The following ENTREP2 variants were observed in gnomAD, a reference collection of about 807,000 sequenced individuals.
ENTREP2 encodes endosomal transmembrane epsin interactor 2.
the ENTREP2 span, among the ~76,000 whole-genome samples, chr15:29,622,488 G>A: frequency 7.9e-5 from 12 of 152,134 alleles, no homozygotes; most frequent in Admixed American, 6.5e-5. Flanking sequence ...GATTACAGGC[G>A]TGAGCCACCA....
chr15:29,563,651 C>A, the ENTREP2 span, among the ~76,000 whole-genome samples: 1 of 152,012 alleles, frequency 6.6e-6, no homozygotes, highest in African/African-American at 2.4e-5. Flanking sequence ...GCTAACATGG[C>A]AAAACCACGT....
the ENTREP2 span, among the ~76,000 whole-genome samples, chr15:29,277,053 G>A: frequency 2.0e-5 from 3 of 152,166 alleles, no homozygotes; most frequent in Admixed American, 2.0e-4. Context: ...CATATGGAAA[G>A]TATATATGGG....
chr15:29,119,663 C>A, the ENTREP2 span, among the ~76,000 whole-genome samples: 1 of 5,938 alleles, frequency 1.7e-4, no homozygotes, highest in Non-Finnish European at 1.9e-3. Context: ...AAATAATTCA[C>A]AATTCTAGCA....
At chr15:29,470,495 A>G in the ENTREP2 span, among the ~76,000 whole-genome samples, 13 of 151,940 alleles carry the variant, frequency 8.6e-5, no homozygotes, top group African/African-American at 3.1e-4. Flanking sequence ...GCAGGCAAAT[A>G]CTCGTCACTC....
At chr15:29,318,878 C>G in the ENTREP2 span, among the ~76,000 whole-genome samples, 1 of 152,338 alleles carries the variant, frequency 6.6e-6, no homozygotes, top group East Asian at 1.9e-4. Flanking sequence ...AAACCAGTTT[C>G]TGCAAACTGA....
the ENTREP2 span, among the ~76,000 whole-genome samples, chr15:29,470,346 T>A: frequency 6.6e-6 from 1 of 152,138 alleles, no homozygotes; most frequent in Non-Finnish European, 1.5e-5. Context: ...TGCCAAGGGC[T>A]ACAGGACACT....
chr15:29,579,314 C>T, the ENTREP2 span, among the ~76,000 whole-genome samples: 1 of 152,108 alleles, frequency 6.6e-6, no homozygotes, highest in Non-Finnish European at 1.5e-5. Flanking sequence ...ATGTGATTGG[C>T]CCACATTTTT....
the ENTREP2 span, among the ~76,000 whole-genome samples, chr15:29,527,728 A>G: frequency 6.6e-6 from 1 of 152,088 alleles, no homozygotes; most frequent in South Asian, 2.1e-4. Context: ...TCCTCTCCCC[A>G]GAAAAATAAA....
At chr15:29,396,225 C>A in the ENTREP2 span, among the ~76,000 whole-genome samples, 1 of 152,146 alleles carries the variant, frequency 6.6e-6, no homozygotes, top group Non-Finnish European at 1.5e-5. Context: ...TCTTTTATAA[C>A]TGAAAGTTTA....
At chr15:29,538,351 A>C in the ENTREP2 span, among the ~76,000 whole-genome samples, 1 of 152,172 alleles carries the variant, frequency 6.6e-6, no homozygotes, top group Admixed American at 6.5e-5. Flanking sequence ...AAGGAAGGAG[A>C]GAAGAGCCAG....
chr15:29,140,883 G>A, the ENTREP2 span, among the ~76,000 whole-genome samples: 17 of 152,330 alleles, frequency 1.1e-4, no homozygotes, highest in Admixed American at 1.1e-3. Flanking sequence ...TGATCCATGT[G>A]GTGACAAAGG....
chr15:29,282,302 G>A, the ENTREP2 span, among the ~76,000 whole-genome samples: 1 of 152,132 alleles, frequency 6.6e-6, no homozygotes, highest in Admixed American at 6.5e-5. Context: ...ATTCTCTCTT[G>A]TCTGCTGCCA....
At chr15:29,163,997 T>C in the ENTREP2 span, among the ~76,000 whole-genome samples, 2 of 152,212 alleles carry the variant, frequency 1.3e-5, no homozygotes, top group Admixed American at 6.5e-5. Flanking sequence ...CTAGAAGGGA[T>C]TGGGGCTCTA....
the ENTREP2 span, among the ~76,000 whole-genome samples, chr15:29,228,846 T>C: frequency 6.6e-6 from 1 of 152,194 alleles, no homozygotes. Context: ...ATGACTTAAA[T>C]GATGATTCAA....
At chr15:29,150,211 A>G in the ENTREP2 span, among the ~76,000 whole-genome samples, 1 of 152,204 alleles carries the variant, frequency 6.6e-6, no homozygotes, top group Non-Finnish European at 1.5e-5. Context: ...CCTCGAATGC[A>G]GAAGAGGTGG....
At chr15:29,221,193 T>C in the ENTREP2 span, among the ~76,000 whole-genome samples, 2 of 151,714 alleles carry the variant, frequency 1.3e-5, no homozygotes, top group East Asian at 1.9e-4. Flanking sequence ...CACCTTTTAA[T>C]GCAAATGACA....
At chr15:29,383,650 C>A in the ENTREP2 span, among the ~76,000 whole-genome samples, 1 of 152,144 alleles carries the variant, frequency 6.6e-6, no homozygotes, top group African/African-American at 2.4e-5. Flanking sequence ...TCACAAGGTA[C>A]CCTTGGTCAC....
At chr15:29,622,908 T>C in the ENTREP2 span, among the ~76,000 whole-genome samples, 1 of 152,288 alleles carries the variant, frequency 6.6e-6, no homozygotes, top group Non-Finnish European at 1.5e-5. Context: ...CATAGTGATA[T>C]GCAATGCCCC....
chr15:29,175,910 C>T, the ENTREP2 span, among the ~76,000 whole-genome samples: 5 of 152,316 alleles, frequency 3.3e-5, no homozygotes, highest in East Asian at 9.7e-4. Flanking sequence ...CCAGACTGTC[C>T]ATCTTTCATT....
Sources: gnomAD v4.1 joint callset for allele counts (sites outside exome capture counted in the v4.1 genomes callset) on GRCh38, gnomAD v4.1.1 for gene constraint, MANE v1.5 for transcripts, NCBI Gene and HGNC (gene_info 2026-07-23, HGNC 2026-07-21) for gene names.